USP37: variants seen among roughly 807,000 people sequenced by gnomAD.
USP37 encodes the protein ubiquitin carboxyl-terminal hydrolase 37.
Under a neutral mutation model 124.0 loss-of-function variants are expected in USP37, and 27 were observed. That is an observed-to-expected ratio of 0.22 (90% CI 0.16 to 0.30). The LOEUF (loss-of-function observed/expected upper bound fraction) is 0.30, where lower values mean the gene tolerates loss of function less well. Ranked by LOEUF, USP37 falls within the 10% of genes least tolerant of loss-of-function variation. The probability of loss-of-function intolerance (pLI) is 1.00; values close to 1 mark genes in which losing one functional copy is unlikely to be tolerated. For synonymous variants in USP37, 365 were observed against 388.0 expected (o/e 0.94, Z 0.70); for missense variants, 889 against 1,140.4 (o/e 0.78, Z 3.17).
intron 18 of USP37, among the ~76,000 whole-genome samples, chr2:218,477,832 C>A (rs928062344): frequency 6.6e-6 from 1 of 152,072 alleles, no homozygotes; most frequent in Non-Finnish European, 1.5e-5. Flanking sequence ...TGTTAAAAAT[C>A]TTTTAAAAGA....
At position 218,548,863 on chromosome 2, in the gene USP37, C is replaced by G. The variant is rs547008545; in HGVS notation, c.429+946G>C. 6.6e-5 allele frequency among the ~76,000 whole-genome samples: 10 copies of G among 152,230 alleles called. No individual in the cohort carries two copies. The South Asian group carries it at 1.7e-3, about 25-fold the overall frequency. On this transcript the variant is annotated intron_variant, in intron 6 of 25. Coordinates refer to ENST00000258399, the MANE Select transcript of USP37 (RefSeq NM_020935.3). Reference sequence around the variant, plus strand: ...GTGAAAGCATAAATACTTGCTTCTGCTATATGTGTTAACACTTATGCATTT... The same window carrying G: ...GTGAAAGCATAAATACTTGCTTCTGGTATATGTGTTAACACTTATGCATTT...
At chr2:218,555,885 A>G (rs538409028) in intron 4 of USP37, among the ~76,000 whole-genome samples, 3 of 152,304 alleles carry the variant, frequency 2.0e-5, no homozygotes, top group Non-Finnish European at 2.9e-5. Flanking sequence ...CTCTCCCCAG[A>G]TAATTTTCTC....
chr2:218,536,128 T>A (rs1275074360), intron 8 of USP37, among the ~76,000 whole-genome samples: 2 of 152,154 alleles, frequency 1.3e-5, no homozygotes, highest in Non-Finnish European at 2.9e-5. Flanking sequence ...TTAATTTATA[T>A]TGATTAAAAT....
At chr2:218,530,079 A>T in intron 9 of USP37, 39 bp from the exon 10 acceptor site, 1 of 1,492,824 alleles carries the variant, frequency 6.7e-7, no homozygotes, top group Non-Finnish European at 9.2e-7. Context: ...TTAATTCCTA[A>T]ATCAACCATT....
At position 218,482,201 on chromosome 2, in the gene USP37, G is replaced by T. The variant is rs767318548; in HGVS notation, c.1704C>A (p.Phe568Leu). 17 of 1,613,716 alleles carry T rather than the reference G, an allele frequency of 1.1e-5. No individual in the cohort carries two copies. The highest frequency in any genetic ancestry group is 1.4e-5 in the Non-Finnish European group (17 of 1,179,752). ...VLILHLKRYSFNVALSLNNKI... is the reference protein window; with the variant it reads ...VLILHLKRYSLNVALSLNNKI... ...TATTGTTAAGCGAGAGAGCCACATT[G>T]AAGCTATATCGTTTCAAATGGAGAA... Residue 568 changes from phenylalanine (F) to leucine (L), a missense_variant, in exon 17 of 26, where the codon TTC becomes TTA. Phe to Leu is a conservative substitution (Grantham distance 22). Transcript: ENST00000258399.
At chr2:218,481,098 T>C (rs1691249371) in intron 17 of USP37, among the ~76,000 whole-genome samples, 1 of 152,184 alleles carries the variant, frequency 6.6e-6, no homozygotes, top group African/African-American at 2.4e-5. Context: ...TGTTCAAGTA[T>C]AGAAAAGAAT....
intron 11 of USP37, among the ~76,000 whole-genome samples, chr2:218,505,822 C>A (rs1272710786): frequency 6.6e-6 from 1 of 151,768 alleles, no homozygotes; most frequent in African/African-American, 2.4e-5. Flanking sequence ...TATACAGATT[C>A]GAGACTTTTA....
chr2:218,488,457 C>G (rs776266227), intron 14 of USP37, 36 bp from the exon 15 acceptor site: 1 of 1,403,686 alleles, frequency 7.1e-7, no homozygotes, highest in Non-Finnish European at 9.9e-7. Context: ...AGCATTTAGA[C>G]CAATACACAA....
intron 20 of USP37, among the ~76,000 whole-genome samples, chr2:218,467,891 G>GTT (rs1206063613): frequency 0.043 from 6,062 of 139,634 alleles, 358 homozygotes; most frequent in African/African-American, 0.14. Context: ...TGTTTTTTTT[G>GTT]TTTTTTTTTT....
At chr2:218,469,506 T>C (rs752511258) in intron 20 of USP37, among the ~76,000 whole-genome samples, 1 of 152,194 alleles carries the variant, frequency 6.6e-6, no homozygotes, top group Non-Finnish European at 1.5e-5. Flanking sequence ...TTATTTTTAT[T>C]ATCAAAACGT....
At chr2:218,496,119 T>C (rs1488580545) in intron 13 of USP37, among the ~76,000 whole-genome samples, 169 bp from the exon 14 acceptor site, 1 of 151,952 alleles carries the variant, frequency 6.6e-6, no homozygotes, top group Admixed American at 6.6e-5. Context: ...CATGGTGAAA[T>C]GCCATCTTTA....
At chr2:218,541,829 T>C (rs933436184) in intron 8 of USP37, among the ~76,000 whole-genome samples, 2 of 152,182 alleles carry the variant, frequency 1.3e-5, no homozygotes, top group Admixed American at 6.5e-5. Context: ...CCAACTCTTT[T>C]AGTGGACAAT....
chr2:218,479,125 C>G (rs1005456579), intron 18 of USP37, among the ~76,000 whole-genome samples: 2 of 152,164 alleles, frequency 1.3e-5, no homozygotes, highest in African/African-American at 4.8e-5. Context: ...GTGCTTCCCT[C>G]CTTGGATAAA....
intron 19 of USP37, among the ~76,000 whole-genome samples, chr2:218,476,479 G>A (rs1404768759): frequency 6.6e-6 from 1 of 152,140 alleles, no homozygotes; most frequent in Admixed American, 6.5e-5. Context: ...GGGAGCTGAG[G>A]TAGGAGGATT....
In USP37 at chr2:218,491,939, C is replaced by T. The variant is rs534675692; in HGVS notation, c.1473-3518G>A. Among the ~76,000 whole-genome samples, 11 of 152,228 alleles carry T rather than the reference C, an allele frequency of 7.2e-5. No individual in the cohort carries two copies. The South Asian group carries it at 1.5e-3, about 20-fold the overall frequency. ...TGGGGGCCAGGTGTGGGGGCTAGTG[C>T]CTGTAATCCCAGCATTTTGGGAAGC... On this transcript the variant is annotated intron_variant, in intron 14 of 25. Transcript: ENST00000258399.
intron 23 of USP37, among the ~76,000 whole-genome samples, chr2:218,458,772 A>C (rs1689843453): frequency 1.3e-5 from 2 of 152,110 alleles, no homozygotes; most frequent in Admixed American, 1.3e-4. Context: ...ACTACTCTTT[A>C]AGAAACAGGA....
intron 5 of USP37, among the ~76,000 whole-genome samples, chr2:218,550,477 A>G (rs1692604040): frequency 6.6e-6 from 1 of 152,148 alleles, no homozygotes; most frequent in Non-Finnish European, 1.5e-5. Context: ...ACTGATGACC[A>G]TTTGAAATGT....
chr2:218,510,113 A>G lies in USP37; in HGVS notation c.891T>C (p.Ser297=). The part of the protein sequence containing the change: ...DRTNVSSQTP[S]AKRSLGFLPQ... ...GAAGAAATCCCAAACTTCTTTTGGC[A>G]GAGGGAGTCTGGCTTGAAACATTAG... The change falls in exon 11 of 26, where the codon TCT becomes TCC. Residue 297 remains serine (S), a synonymous_variant. Transcript: ENST00000258399. The G allele has an allele frequency of 1.9e-6, 3 of 1,611,676 alleles. No individual in the cohort carries two copies. The highest frequency in any genetic ancestry group is 1.7e-4 in the Middle Eastern group (1 of 6,052).
intron 10 of USP37, among the ~76,000 whole-genome samples, chr2:218,516,999 T>A (rs998534773): frequency 6.6e-6 from 1 of 152,222 alleles, no homozygotes; most frequent in Non-Finnish European, 1.5e-5. Flanking sequence ...GATCTCAGTA[T>A]CTACAATGTT....
Sources: gnomAD v4.1 joint callset for allele counts (sites outside exome capture counted in the v4.1 genomes callset) on GRCh38, gnomAD v4.1.1 for gene constraint, MANE v1.5 for transcripts, NCBI Gene and HGNC (gene_info 2026-07-23, HGNC 2026-07-21) for gene names.